Variants in GNAI1 observed in about 807,000 individuals in gnomAD.
GNAI1 encodes G protein subunit alpha i1.
A neutral mutation model predicts 38.9 loss-of-function variants in GNAI1; 11 were observed. That is an observed-to-expected ratio of 0.28 (90% CI 0.18 to 0.47). GNAI1 has a LOEUF of 0.47. GNAI1 is among the 20% of genes least tolerant of loss of function. The pLI is 0.99. For synonymous variants in GNAI1, 166 were observed against 145.1 expected, an observed-to-expected ratio of 1.14 and a Z score of -1.04; for missense variants, 317 against 436.9, an observed-to-expected ratio of 0.73 and a Z score of 2.45.
intron 1 of GNAI1, among the ~76,000 whole-genome samples, chr7:80,164,657 A>G (rs1273748514): frequency 6.6e-6 from 1 of 152,072 alleles, no homozygotes. Flanking sequence ...TTACTTTTTA[A>G]TGAGTTGTCT....
In GNAI1 at chr7:80,224,826, A is replaced by G. The variant is rs2115749930; in HGVS notation, c.*7333A>G. On this transcript the variant is annotated 3_prime_UTR_variant, in exon 8 of 8. Transcript: ENST00000649796. ...CAGATACACAGAATTTAAAAATTAC[A>G]TGTTGAACTGATTTGTGATATATTG... Among the ~76,000 whole-genome samples, 1 of 152,308 alleles carries G rather than the reference A, an allele frequency of 6.6e-6. No homozygotes were observed. Among genetic ancestry groups the G allele is most frequent in the South Asian group, 2.1e-4 (1 of 4,820 alleles).
intron 1 of GNAI1, among the ~76,000 whole-genome samples, chr7:80,185,572 C>A (rs1280115221): frequency 6.6e-6 from 1 of 152,120 alleles, no homozygotes; most frequent in Non-Finnish European, 1.5e-5. Flanking sequence ...AAAACGCTAG[C>A]CCCAAACTCC....
chr7:80,149,761 T>A (rs1198583528), intron 1 of GNAI1, among the ~76,000 whole-genome samples: 1 of 152,184 alleles, frequency 6.6e-6, no homozygotes, highest in Non-Finnish European at 1.5e-5. Flanking sequence ...TGAGAGGATT[T>A]AGAAAGCCTT....
chr7:80,221,636 C>CTTTTTATTTTT lies in GNAI1; in HGVS notation c.*4148_*4149insATTTTTTTTTT, dbSNP rs1562848645. Among the ~76,000 whole-genome samples, 1 of 94,354 alleles carries CTTTTTATTTTT rather than the reference C, an allele frequency of 1.1e-5. No individual in the cohort carries two copies. Among genetic ancestry groups the CTTTTTATTTTT allele is most frequent in the Non-Finnish European group, 2.0e-5 (1 of 50,536 alleles). The allele number at this position is 94,354 out of a possible 152,430, so 61.9% of individuals were successfully genotyped here. ...ATTTTAATGTTAGGTTGGAAATTTT[C>CTTTTTATTTTT]TTTTTTTTTTTTTTTTTTTTTTTTT... On this transcript the variant is annotated 3_prime_UTR_variant, in exon 8 of 8. Coordinates refer to ENST00000649796, the MANE Select transcript of GNAI1 (RefSeq NM_002069.6).
At chr7:80,215,832 G>C (rs956430923) in intron 7 of GNAI1, among the ~76,000 whole-genome samples, 2 of 152,150 alleles carry the variant, frequency 1.3e-5, no homozygotes, top group African/African-American at 4.8e-5. Context: ...TGCCAATTTT[G>C]AGCAAATGTG....
At position 80,203,731 on chromosome 7, in the gene GNAI1, T is replaced by C. The variant is rs2115683885; in HGVS notation, c.489T>C (p.Ala163=). The C allele has an allele frequency of 6.3e-7, 1 of 1,594,822 alleles. No individual in the cohort carries two copies. Among genetic ancestry groups the C allele is most frequent in the Non-Finnish European group, 8.6e-7 (1 of 1,165,042 alleles). ...AYYLNDLDRI[A]QPNYIPTQQD... Reference sequence around the variant, plus strand: ...ATTTGAATGACTTGGACAGAATAGCTCAACCAAATTACATCCCGACTCAAC... The same window carrying C: ...ATTTGAATGACTTGGACAGAATAGCCCAACCAAATTACATCCCGACTCAAC... The change falls in exon 5 of 8, where the codon GCT becomes GCC. Residue 163 remains alanine, a synonymous_variant. Transcript: ENST00000649796.
chr7:80,152,949 A>G lies in GNAI1; in HGVS notation c.118+17671A>G, dbSNP rs540449882. ...AATGAAAAGTGAAATTTATTAAAAA[A>G]AAAACCTGAGGCAATTAAATATCCT... is the stretch of plus-strand genomic sequence containing the variant. On this transcript the variant is annotated intron_variant, in intron 1 of 7. Transcript: ENST00000649796. Among the ~76,000 whole-genome samples, 8 of 152,310 alleles carry G rather than the reference A, an allele frequency of 5.3e-5. No individual in the cohort carries two copies. In the East Asian group the frequency reaches 1.5e-3, roughly 29 times the overall value.
At chr7:80,175,896 C>T (rs556926944) in intron 1 of GNAI1, among the ~76,000 whole-genome samples, 48 of 152,170 alleles carry the variant, frequency 3.2e-4, no homozygotes, top group African/African-American at 1.1e-3. Context: ...TATTACTAAC[C>T]CTGCAGAGTG....
At chr7:80,200,762 T>A (rs1465169996) in intron 4 of GNAI1, among the ~76,000 whole-genome samples, 1 of 148,026 alleles carries the variant, frequency 6.8e-6, no homozygotes, top group East Asian at 1.9e-4. Context: ...ATTTTTAACA[T>A]TTTACACTTG....
chr7:80,141,418 T>C (rs1450030545), intron 1 of GNAI1, among the ~76,000 whole-genome samples: 1 of 152,188 alleles, frequency 6.6e-6, no homozygotes, highest in Non-Finnish European at 1.5e-5. Context: ...AAACAAGTTA[T>C]CTGCTCCCAG....
In GNAI1 at chr7:80,219,190, T is replaced by G. The variant is rs539631906; in HGVS notation, c.*1697T>G. 1 of 152,602 alleles carries G rather than the reference T, an allele frequency of 6.6e-6. No individual in the cohort carries two copies. The allele number at this position is 152,602 out of a possible 1,614,324, so 9.5% of individuals were successfully genotyped here. On this transcript the variant is annotated 3_prime_UTR_variant, in exon 8 of 8. Transcript: ENST00000649796. ...CTTTATGTGCCTTTCATGAAAGATA[T>G]GTTTTCATTAATTTTACTGGTGGAC... is the stretch of plus-strand genomic sequence containing the variant.
chr7:80,196,654 C>T (rs919967367), intron 3 of GNAI1, among the ~76,000 whole-genome samples: 4 of 151,782 alleles, frequency 2.6e-5, no homozygotes, highest in South Asian at 2.1e-4. Context: ...GCCTTGGGTT[C>T]GTTTTATACA....
At chr7:80,145,722 T>C (rs1377389926) in intron 1 of GNAI1, among the ~76,000 whole-genome samples, 1 of 152,192 alleles carries the variant, frequency 6.6e-6, no homozygotes, top group Non-Finnish European at 1.5e-5. Flanking sequence ...GCTTCAGCTA[T>C]TTATGGTGTC....
chr7:80,194,632 T>C (rs1469338276), intron 3 of GNAI1, among the ~76,000 whole-genome samples: 2 of 152,116 alleles, frequency 1.3e-5, no homozygotes, highest in East Asian at 1.9e-4. Flanking sequence ...TGTTTTGTTA[T>C]ATGCATGGAG....
chr7:80,205,869 A>G (rs1012646936), intron 5 of GNAI1, among the ~76,000 whole-genome samples: 3 of 152,128 alleles, frequency 2.0e-5, no homozygotes, highest in Non-Finnish European at 2.9e-5. Flanking sequence ...GTATGATTCA[A>G]CATAATCATT....
At position 80,180,949 on chromosome 7, in the gene GNAI1, A is replaced by C. The variant is rs78511112; in HGVS notation, c.119-8002A>C. 8.2e-3 allele frequency among the ~76,000 whole-genome samples: 1,245 copies of C among 152,188 alleles called. 46 individuals are homozygous for C. The highest frequency in any genetic ancestry group is 0.061 in the Admixed American group (935 of 15,268). ...TAAGGGCATCCTCCATTATGTGATC[A>C]TTGAAAATGGCTTTTGTGGGCCAGA... On this transcript the variant is annotated intron_variant, in intron 1 of 7. Coordinates refer to ENST00000649796, the MANE Select transcript of GNAI1 (RefSeq NM_002069.6).
intron 1 of GNAI1, among the ~76,000 whole-genome samples, chr7:80,173,092 T>G (rs1441818970): frequency 6.6e-6 from 1 of 152,150 alleles, no homozygotes; most frequent in Non-Finnish European, 1.5e-5. Context: ...TGATGGGTAC[T>G]GGTACCACTT....
chr7:80,199,013 C>A (rs1156833892), intron 3 of GNAI1, among the ~76,000 whole-genome samples: 1 of 152,096 alleles, frequency 6.6e-6, no homozygotes, highest in Non-Finnish European at 1.5e-5. Context: ...ACTACTAACA[C>A]CACAAAACAT....
intron 1 of GNAI1, among the ~76,000 whole-genome samples, chr7:80,164,043 T>C (rs980879176): frequency 5.6e-5 from 8 of 143,576 alleles, no homozygotes; most frequent in South Asian, 2.3e-4. Flanking sequence ...TGCTTTCTTT[T>C]TTTTTTTTTT....
Sources: gnomAD v4.1 joint callset for allele counts (sites outside exome capture counted in the v4.1 genomes callset) on GRCh38, gnomAD v4.1.1 for gene constraint, MANE v1.5 for transcripts, NCBI Gene and HGNC (gene_info 2026-07-23, HGNC 2026-07-21) for gene names.